SH2B2: variants seen among roughly 807,000 people sequenced by gnomAD.
The protein encoded by SH2B2 is SH2B adapter protein 2.
Under a neutral mutation model 35.7 loss-of-function variants are expected in SH2B2, and 37 were observed. The ratio of observed to expected loss-of-function variants is 1.04; its 90% confidence interval spans 0.80 to 1.36. The LOEUF is 1.36. Ranked by LOEUF, SH2B2 falls within the 40% of genes most tolerant of loss-of-function variation. SH2B2 has a pLI of 0.00. For missense variants in SH2B2, 852 were observed against 817.7 expected, an observed-to-expected ratio of 1.04 and a Z score of -0.51; for synonymous variants, 383 against 376.4, an observed-to-expected ratio of 1.02 and a Z score of -0.20.
chr7:102,295,203 C>T (rs782133796), intron 1 of SH2B2, among the ~76,000 whole-genome samples: 76 of 152,276 alleles, frequency 5.0e-4, no homozygotes, highest in Non-Finnish European at 9.0e-4. Context: ...TCCTGCCTGC[C>T]GCTGCCTGCC....
At chr7:102,309,519 C>T (rs562536787) in intron 4 of SH2B2, 2 of 318,952 alleles carry the variant, frequency 6.3e-6, no homozygotes, top group South Asian at 2.4e-5. Context: ...TACCACCATG[C>T]GCAGCTAATT....
At chr7:102,287,229 C>G (rs1324665664) in intron 1 of SH2B2, 135 bp downstream of exon 1, 1 of 151,816 alleles carries the variant, frequency 6.6e-6, no homozygotes, top group Non-Finnish European at 1.5e-5. Flanking sequence ...CCGCGCGTGT[C>G]GTCTTTGTGT....
chr7:102,309,221 A>G (rs782262456), intron 4 of SH2B2: 4 of 524,126 alleles, frequency 7.6e-6, no homozygotes, highest in South Asian at 6.2e-5. Flanking sequence ...TGAGTCCCCA[A>G]AGGGCTGGGG....
chr7:102,300,459 A>G, intron 1 of SH2B2, 63 bp from the exon 2 acceptor site: 2 of 1,461,736 alleles, frequency 1.4e-6, no homozygotes, highest in South Asian at 1.4e-5. Context: ...AGCTGGAAGG[A>G]GGGGACAGGT....
chr7:102,299,630 A>T (rs1554553158), intron 1 of SH2B2, among the ~76,000 whole-genome samples: 1 of 152,150 alleles, frequency 6.6e-6, no homozygotes, highest in African/African-American at 2.4e-5. Context: ...GAATCCCAGG[A>T]CGGCAGCCTG....
At chr7:102,296,707 G>A (rs939748962) in intron 1 of SH2B2, among the ~76,000 whole-genome samples, 4 of 152,212 alleles carry the variant, frequency 2.6e-5, no homozygotes, top group Non-Finnish European at 2.9e-5. Context: ...ATTCAAAATC[G>A]GATTTGAATG....
At chr7:102,309,158 T>C (rs781897544) in intron 4 of SH2B2, 29 of 610,916 alleles carry the variant, frequency 4.7e-5, no homozygotes, top group South Asian at 4.3e-4. Context: ...GACCAGGTCT[T>C]GTCTTCACCC....
In SH2B2 at chr7:102,301,178, G is replaced by A. The variant is rs781882013; in HGVS notation, c.628G>A (p.Ala210Thr). The A allele has an allele frequency of 1.9e-6, 3 of 1,576,890 alleles. No homozygotes were observed. Among genetic ancestry groups the A allele is most frequent in the Non-Finnish European group, 1.7e-6 (2 of 1,164,284 alleles). Reference sequence around the variant, plus strand: ...CTTCATGGTGGCCGACGACGCGGCCGCGGGCTCCGGGGGCTCGGCTCAGTG... The same window carrying A: ...CTTCATGGTGGCCGACGACGCGGCCACGGGCTCCGGGGGCTCGGCTCAGTG... ...LRFMVADDAA[A>T]GSGGSAQWQK... Residue 210 changes from alanine to threonine, a missense_variant, in exon 2 of 9, where the codon GCG becomes ACG. Coordinates refer to ENST00000444095, the MANE Select transcript of SH2B2 (RefSeq NM_001359228.2).
intron 3 of SH2B2, 25 bp from the exon 4 acceptor site, chr7:102,308,790 C>T (rs1793500626): frequency 1.9e-6 from 3 of 1,584,488 alleles, no homozygotes; most frequent in South Asian, 1.1e-5. Flanking sequence ...CCGTGTTCTG[C>T]ACTCCCGGCC....
intron 1 of SH2B2, among the ~76,000 whole-genome samples, chr7:102,295,972 T>G (rs1792897804): frequency 6.6e-6 from 1 of 152,108 alleles, no homozygotes; most frequent in South Asian, 2.1e-4. Context: ...CTTTATTTTC[T>G]TTGCACTCAT....
chr7:102,320,010 G>A (rs553945603), intron 7 of SH2B2, among the ~76,000 whole-genome samples: 31 of 152,308 alleles, frequency 2.0e-4, no homozygotes, highest in Non-Finnish European at 2.1e-4. Context: ...CTGGGCCTTG[G>A]TTTTCCTATC....
chr7:102,305,966 C>T (rs1181931697), intron 2 of SH2B2, among the ~76,000 whole-genome samples: 1 of 145,784 alleles, frequency 6.9e-6, no homozygotes, highest in Non-Finnish European at 1.5e-5. Context: ...GCCATCATAG[C>T]TCACTGCAGC....
At position 102,306,745 on chromosome 7, in the gene SH2B2, C is replaced by G; in HGVS notation, c.754C>G (p.Pro252Ala). 1 of 1,598,900 alleles carries G rather than the reference C, an allele frequency of 6.3e-7. No homozygotes were observed. Among genetic ancestry groups the G allele is most frequent in the Non-Finnish European group, 8.5e-7 (1 of 1,173,066 alleles). The change falls in exon 3 of 9, where the codon CCA becomes GCA. Residue 252 changes from proline (P) to alanine (A), a missense_variant. Physicochemically the swap from Pro to Ala is conservative, Grantham distance 27. Transcript: ENST00000444095. Reference protein sequence around the residue: ...PKASRPKVSIPLSAIIEVRTT... With the variant: ...PKASRPKVSIALSAIIEVRTT... The stretch of plus-strand genomic sequence containing the variant: ...GGCCTCCAGGCCCAAGGTCAGCATC[C>G]CACTGTCAGCCATCATTGAGGTCCG...
intron 4 of SH2B2, among the ~76,000 whole-genome samples, chr7:102,311,643 C>T (rs373492278): frequency 6.6e-5 from 10 of 150,716 alleles, no homozygotes; most frequent in Non-Finnish European, 7.4e-5. Context: ...TCAAGAGACC[C>T]GCCTGCCTCG....
intron 1 of SH2B2, among the ~76,000 whole-genome samples, chr7:102,298,565 C>T: frequency 6.6e-6 from 1 of 152,068 alleles, no homozygotes; most frequent in East Asian, 1.9e-4. Context: ...AGGCATGTCA[C>T]CACATTCAGA....
At chr7:102,306,973 A>G (rs1554555027) in intron 3 of SH2B2, among the ~76,000 whole-genome samples, 151 bp downstream of exon 3, 1 of 152,182 alleles carries the variant, frequency 6.6e-6, no homozygotes, top group Non-Finnish European at 1.5e-5. Context: ...CCCAGACCCT[A>G]TGACAGATGC....
chr7:102,295,748 G>C (rs1314328664), intron 1 of SH2B2, among the ~76,000 whole-genome samples: 1 of 152,168 alleles, frequency 6.6e-6, no homozygotes, highest in Admixed American at 6.5e-5. Flanking sequence ...GGAAGAAGTG[G>C]CTTCTGGATT....
At chr7:102,309,255 G>A (rs1554555504) in intron 4 of SH2B2, 1 of 453,540 alleles carries the variant, frequency 2.2e-6, no homozygotes, top group Admixed American at 2.6e-5. Context: ...GCTCACATCT[G>A]TGACCCCAAC....
In SH2B2 at chr7:102,320,342, G is replaced by T; in HGVS notation, c.1407G>T (p.Leu469=). The T allele has an allele frequency of 6.2e-7, 1 of 1,611,450 alleles. No individual in the cohort carries two copies. The change falls in exon 8 of 9, where the codon CTG becomes CTT. Residue 469 remains leucine (L), a synonymous_variant. Coordinates refer to ENST00000444095, the MANE Select transcript of SH2B2 (RefSeq NM_001359228.2). ...NFQGKAKHLR[L]SLNGHGQCHV... ...ACCTGTACCCACAGCACCTGCGCCTGTCCCTGAACGGCCACGGCCAGTGTC... is the reference window on the plus strand; with the variant it reads ...ACCTGTACCCACAGCACCTGCGCCTTTCCCTGAACGGCCACGGCCAGTGTC...
Sources: gnomAD v4.1 joint callset for allele counts (sites outside exome capture counted in the v4.1 genomes callset) on GRCh38, gnomAD v4.1.1 for gene constraint, MANE v1.5 for transcripts, NCBI Gene and HGNC (gene_info 2026-07-23, HGNC 2026-07-21) for gene names.